The following DTNA variants were observed in gnomAD, a reference collection of about 807,000 sequenced individuals.
DTNA encodes dystrophin-related protein 3.
In DTNA, 43 loss-of-function variants were observed where a neutral mutation model predicts 100.7. That is an observed-to-expected ratio of 0.43 (90% CI 0.33 to 0.55). The LOEUF (loss-of-function observed/expected upper bound fraction) is 0.55. DTNA is among the 20% of genes least tolerant of loss of function. The probability of loss-of-function intolerance (pLI) is 0.04; values close to 1 mark genes in which losing one functional copy is unlikely to be tolerated. For synonymous variants in DTNA, 349 were observed against 347.9 expected (o/e 1.00, Z -0.04); for missense variants, 798 against 953.9 (o/e 0.84, Z 2.15).
At chr18:34,704,593 G>C (rs1333529709) in intron 1 of DTNA, among the ~76,000 whole-genome samples, 2 of 152,054 alleles carry the variant, frequency 1.3e-5, no homozygotes, top group Non-Finnish European at 2.9e-5. Context: ...TATTGTTATA[G>C]CTACAGTTAG....
chr18:34,566,847 A>G (rs933103286), intron 1 of DTNA, among the ~76,000 whole-genome samples: 4 of 152,224 alleles, frequency 2.6e-5, no homozygotes, highest in African/African-American at 9.6e-5. Flanking sequence ...AGGAGCCTTA[A>G]TGTTTATACA....
intron 1 of DTNA, among the ~76,000 whole-genome samples, chr18:34,539,468 G>A (rs2044040882): frequency 6.6e-6 from 1 of 151,944 alleles, no homozygotes; most frequent in Admixed American, 6.6e-5. Context: ...TAGAAAATTA[G>A]GGGCAATCTA....
chr18:34,542,991 C>T (rs1285542484), intron 1 of DTNA, among the ~76,000 whole-genome samples: 1 of 151,990 alleles, frequency 6.6e-6, no homozygotes, highest in African/African-American at 2.4e-5. Flanking sequence ...GTTAGAGAAC[C>T]TGAACTAGCT....
intron 1 of DTNA, among the ~76,000 whole-genome samples, chr18:34,670,032 G>T (rs2076523799): frequency 6.6e-6 from 1 of 152,136 alleles, no homozygotes; most frequent in Non-Finnish European, 1.5e-5. Flanking sequence ...TTTCCAACTT[G>T]GTTCCATTCT....
At position 34,597,059 on chromosome 18, in the gene DTNA, A is replaced by G. The variant is rs560492275; in HGVS notation, c.-2+103545A>G. Among the ~76,000 whole-genome samples, 4 of 151,852 alleles carry G rather than the reference A, an allele frequency of 2.6e-5. No homozygotes were observed. The South Asian group carries it at 6.3e-4, about 24-fold the overall frequency. On this transcript the variant is annotated intron_variant, in intron 1 of 19. Coordinates refer to the DTNA transcript ENST00000283365. ...GATGTTCCCCTCCCTGTGCCCATATATTCTCATTGTTCAACTCCCACTTAT... is the reference window on the plus strand; with the variant it reads ...GATGTTCCCCTCCCTGTGCCCATATGTTCTCATTGTTCAACTCCCACTTAT...
chr18:34,522,433 G>C (rs1256204391), intron 1 of DTNA, among the ~76,000 whole-genome samples: 3 of 152,070 alleles, frequency 2.0e-5, no homozygotes, highest in Non-Finnish European at 1.5e-5. Context: ...CTTTTATGTG[G>C]GATGACAAAA....
chr18:34,589,707 A>G (rs1031651427), intron 1 of DTNA, among the ~76,000 whole-genome samples: 3 of 152,190 alleles, frequency 2.0e-5, no homozygotes, highest in Non-Finnish European at 2.9e-5. Context: ...TTTGTTCTAT[A>G]TGCTAAATCT....
intron 1 of DTNA, among the ~76,000 whole-genome samples, chr18:34,518,572 C>G (rs1186370906): frequency 6.6e-6 from 1 of 151,046 alleles, no homozygotes; most frequent in Non-Finnish European, 1.5e-5. Flanking sequence ...AGTCTATGAT[C>G]TATTTGGAGT....
intron 1 of DTNA, among the ~76,000 whole-genome samples, chr18:34,628,883 C>G (rs371486694): frequency 1.3e-5 from 2 of 152,104 alleles, no homozygotes; most frequent in Admixed American, 1.3e-4. Flanking sequence ...ATTCACAGTA[C>G]AATGTTTCTT....
At position 34,753,340 on chromosome 18, in the gene DTNA, T is replaced by G. The variant is rs567819061; in HGVS notation, c.-1-2636T>G. ...CCCTAGACTACCATCCTTTGTGATT[T>G]ATTTATTTATTTATTTATTTATTTT... On this transcript the variant is annotated intron_variant, in intron 1 of 22. Coordinates refer to ENST00000444659, the MANE Select transcript of DTNA (RefSeq NM_001386795.1). 5.7e-3 allele frequency among the ~76,000 whole-genome samples: 745 copies of G among 130,628 alleles called. 10 individuals are homozygous for G. The highest frequency in any genetic ancestry group is 9.0e-3 in the Non-Finnish European group (568 of 62,874). 85.7% of individuals were successfully genotyped at this position (130,628 alleles called of 152,430 possible). A position where few individuals can be genotyped will look rare whatever the true frequency, so the allele number is the denominator to read the frequency against.
chr18:34,529,210 ATATATT>A (rs2042920265), intron 1 of DTNA, among the ~76,000 whole-genome samples: 1 of 152,154 alleles, frequency 6.6e-6, no homozygotes, highest in Non-Finnish European at 1.5e-5. Flanking sequence ...TTAGAACTCT[ATATATT>A]TATATAGGCT....
At position 34,891,588 on chromosome 18, in the gene DTNA, A is replaced by G. The variant is rs2096964881; in HGVS notation, c.*3854A>G. 1 of 152,074 alleles carries G rather than the reference A, an allele frequency of 6.6e-6. No individual in the cohort carries two copies. The highest frequency in any genetic ancestry group is 1.9e-4 in the East Asian group (1 of 5,188). 9.4% of individuals were successfully genotyped at this position (152,074 alleles called of 1,614,324 possible). ...GGGGATGCATGGTTTTTACCATTCT[A>G]CTGTTTTATTAGCATCTGTGAGCAT... On this transcript the variant is annotated 3_prime_UTR_variant, in exon 23 of 23. Transcript: ENST00000444659.
chr18:34,867,863 G>T, intron 17 of DTNA: 1 of 985,450 alleles, frequency 1.0e-6, no homozygotes, highest in Middle Eastern at 5.2e-4. Flanking sequence ...ATCTCAGGGG[G>T]CCAACAGCGG....
At chr18:34,635,350 C>T (rs1202890872) in intron 1 of DTNA, among the ~76,000 whole-genome samples, 1 of 152,092 alleles carries the variant, frequency 6.6e-6, no homozygotes, top group African/African-American at 2.4e-5. Context: ...TTTCTTTGAC[C>T]TACAGATTTC....
At chr18:34,533,195 A>C (rs2043322911) in intron 1 of DTNA, among the ~76,000 whole-genome samples, 1 of 151,696 alleles carries the variant, frequency 6.6e-6, no homozygotes, top group Non-Finnish European at 1.5e-5. Flanking sequence ...ACATGGTAAA[A>C]CCCTGTCTCT....
At chr18:34,684,546 A>G (rs2078599752) in intron 1 of DTNA, among the ~76,000 whole-genome samples, 2 of 152,244 alleles carry the variant, frequency 1.3e-5, no homozygotes, top group Admixed American at 1.3e-4. Context: ...CCAGTCTAAC[A>G]TTTATGGGCA....
chr18:34,856,890 C>T (rs2096558906), intron 15 of DTNA, among the ~76,000 whole-genome samples: 1 of 152,168 alleles, frequency 6.6e-6, no homozygotes, highest in African/African-American at 2.4e-5. Context: ...TGTTGTGTTT[C>T]TGTCTTTAGA....
At chr18:34,857,972 AGT>A (rs1568801568) in intron 15 of DTNA, among the ~76,000 whole-genome samples, 2 of 152,178 alleles carry the variant, frequency 1.3e-5, no homozygotes, top group African/African-American at 4.8e-5. Flanking sequence ...CTTACTTGCT[AGT>A]AGTAATGCAT....
At chr18:34,740,544 A>G (rs182716991) in intron 1 of DTNA, among the ~76,000 whole-genome samples, 17 of 152,268 alleles carry the variant, frequency 1.1e-4, no homozygotes, top group African/African-American at 3.8e-4. Flanking sequence ...CATGATTGTT[A>G]TGGTCTCAAA....
Sources: allele counts gnomAD v4.1 joint callset (sites outside exome capture counted in the v4.1 genomes callset), GRCh38; gene constraint gnomAD v4.1.1; transcripts MANE v1.5; gene names NCBI Gene and HGNC (gene_info 2026-07-23, HGNC 2026-07-21).